MAGI2: variants seen among roughly 807,000 people sequenced by gnomAD.
MAGI2 encodes membrane-associated guanylate kinase, WW and PDZ domain-containing protein 2.
A neutral mutation model predicts 133.3 loss-of-function variants in MAGI2; 35 were observed. The ratio of observed to expected loss-of-function variants is 0.26; its 90% CI spans 0.20 to 0.35. The LOEUF is 0.35. Among genes scored for constraint, MAGI2 ranks in the 10% least tolerant of loss-of-function variants. The pLI, the probability that MAGI2 is intolerant of heterozygous loss-of-function variation, is 1.00. For missense variants in MAGI2, 1,636 were observed against 1,863.4 expected (o/e 0.88, Z 2.25); for synonymous variants, 729 against 710.6 (o/e 1.03, Z -0.41).
intron 1 of MAGI2, among the ~76,000 whole-genome samples, chr7:79,319,971 T>C (rs1165869224): frequency 6.6e-6 from 1 of 152,156 alleles, no homozygotes; most frequent in Non-Finnish European, 1.5e-5. Flanking sequence ...CATGACTGAC[T>C]ACTTGACTGC....
chr7:78,247,391 G>T (rs938450072), intron 10 of MAGI2, among the ~76,000 whole-genome samples: 30 of 152,136 alleles, frequency 2.0e-4, no homozygotes, highest in Non-Finnish European at 3.5e-4. Flanking sequence ...GACTTGTTTG[G>T]AGGTGAAAAT....
intron 3 of MAGI2, among the ~76,000 whole-genome samples, chr7:78,527,173 A>T (rs1797049237): frequency 6.6e-6 from 1 of 152,168 alleles, no homozygotes. Context: ...TTGCAAAGGG[A>T]GAGAGACTAA....
intron 1 of MAGI2, among the ~76,000 whole-genome samples, chr7:79,294,981 G>T (rs557811057): frequency 3.3e-5 from 5 of 151,234 alleles, no homozygotes; most frequent in Non-Finnish European, 7.4e-5. Context: ...CTCGTGATCT[G>T]CCCGCCTCGG....
chr7:79,147,865 C>A (rs1822801238), intron 1 of MAGI2, among the ~76,000 whole-genome samples: 1 of 152,164 alleles, frequency 6.6e-6, no homozygotes, highest in African/African-American at 2.4e-5. Flanking sequence ...TGTCCTCCGG[C>A]CAGGTATGTC....
At chr7:78,781,812 C>T (rs550730814) in intron 2 of MAGI2, among the ~76,000 whole-genome samples, 12 of 152,000 alleles carry the variant, frequency 7.9e-5, no homozygotes, top group South Asian at 4.1e-4. Flanking sequence ...TAACTATTAG[C>T]GAGGTAGGCA....
At chr7:78,881,545 T>G (rs965568320) in intron 2 of MAGI2, among the ~76,000 whole-genome samples, 10 of 152,080 alleles carry the variant, frequency 6.6e-5, no homozygotes, top group African/African-American at 2.4e-4. Context: ...ACCTGCACAT[T>G]GTGAACATGT....
intron 1 of MAGI2, among the ~76,000 whole-genome samples, chr7:79,115,255 G>T (rs1300422619): frequency 6.6e-6 from 1 of 152,214 alleles, no homozygotes; most frequent in African/African-American, 2.4e-5. Context: ...GAAAGGGAAA[G>T]GAATATTCAC....
At chr7:78,031,069 T>G (rs1809522341) in intron 21 of MAGI2, among the ~76,000 whole-genome samples, 1 of 152,152 alleles carries the variant, frequency 6.6e-6, no homozygotes, top group Admixed American at 6.5e-5. Context: ...TCAACGTGAG[T>G]GAATTTCAGC....
intron 17 of MAGI2, among the ~76,000 whole-genome samples, chr7:78,133,705 C>T (rs1333303859): frequency 6.6e-6 from 1 of 152,234 alleles, no homozygotes. Flanking sequence ...CCAACAGACA[C>T]ATTCCAGACT....
chr7:78,607,951 C>G (rs1235220628), intron 3 of MAGI2, among the ~76,000 whole-genome samples: 1 of 152,206 alleles, frequency 6.6e-6, no homozygotes, highest in Admixed American at 6.5e-5. Flanking sequence ...CAAGAAACCT[C>G]TCAAGAGGAC....
intron 2 of MAGI2, among the ~76,000 whole-genome samples, chr7:78,645,682 G>A (rs1230157510): frequency 6.6e-6 from 1 of 150,720 alleles, no homozygotes; most frequent in South Asian, 2.1e-4. Context: ...TACCATTTAC[G>A]TGAAGTTTTT....
chr7:78,681,070 C>T (rs1332848585), intron 2 of MAGI2, among the ~76,000 whole-genome samples: 7 of 152,146 alleles, frequency 4.6e-5, no homozygotes, highest in African/African-American at 1.7e-4. Context: ...CATTGCAGGA[C>T]ATTTAAAATG....
At chr7:78,602,686 T>C (rs963383654) in intron 3 of MAGI2, among the ~76,000 whole-genome samples, 1 of 152,178 alleles carries the variant, frequency 6.6e-6, no homozygotes, top group African/African-American at 2.4e-5. Flanking sequence ...TTGGCCACAT[T>C]CGCAAAGAGC....
intron 3 of MAGI2, among the ~76,000 whole-genome samples, chr7:78,573,004 GAACT>G (rs1163964743): frequency 2.6e-5 from 3 of 113,798 alleles, no homozygotes; most frequent in African/African-American, 6.7e-5. Context: ...TAGAGGAACA[GAACT>G]AATAGGATAT....
At chr7:78,573,855 C>T (rs1021389457) in intron 3 of MAGI2, among the ~76,000 whole-genome samples, 2 of 152,028 alleles carry the variant, frequency 1.3e-5, no homozygotes, top group Admixed American at 6.6e-5. Context: ...AAGAATCCTC[C>T]AGTTTCTTTC....
At chr7:78,645,940 T>C (rs2151000132) in intron 2 of MAGI2, among the ~76,000 whole-genome samples, 1 of 152,256 alleles carries the variant, frequency 6.6e-6, no homozygotes, top group East Asian at 1.9e-4. Flanking sequence ...TATTTCGCCA[T>C]GTTGGCCAGG....
At chr7:78,078,190 G>A (rs1189628815) in intron 21 of MAGI2, 1 of 152,524 alleles carries the variant, frequency 6.6e-6, no homozygotes, top group African/African-American at 2.4e-5. Context: ...ATGCCCGTCT[G>A]TTTCTGTCTG....
intron 6 of MAGI2, among the ~76,000 whole-genome samples, chr7:78,433,092 A>G (rs1395043415): frequency 1.3e-5 from 2 of 152,100 alleles, no homozygotes; most frequent in Non-Finnish European, 2.9e-5. Flanking sequence ...GGTGGTCAAA[A>G]TAAGAATTGC....
At chr7:79,442,173 C>A (rs1327515480) in intron 1 of MAGI2, among the ~76,000 whole-genome samples, 1 of 152,152 alleles carries the variant, frequency 6.6e-6, no homozygotes, top group Non-Finnish European at 1.5e-5. Flanking sequence ...CTTTTAATCA[C>A]TTCTCAACAA....
Sources: allele counts gnomAD v4.1 joint callset (sites outside exome capture counted in the v4.1 genomes callset), GRCh38; gene constraint gnomAD v4.1.1; transcripts MANE v1.5; gene names NCBI Gene and HGNC (gene_info 2026-07-23, HGNC 2026-07-21).